CNTN4: variants seen among roughly 807,000 people sequenced by gnomAD.
The protein encoded by CNTN4 is contactin 4, also known as contactin-4.
In CNTN4, 77 loss-of-function variants were observed where a neutral mutation model predicts 122.5. The observed-to-expected ratio is 0.63, with a 90% CI of 0.52 to 0.76. CNTN4 has a LOEUF of 0.76. CNTN4 is among the 30% of genes least tolerant of loss of function. The probability of loss-of-function intolerance (pLI) is 0.00; values close to 1 mark genes in which losing one functional copy is unlikely to be tolerated. For synonymous variants in CNTN4, 512 were observed against 447.0 expected (o/e 1.15, Z -1.83); for missense variants, 1,256 against 1,259.1 (o/e 1.00, Z 0.04).
At chr3:2,271,661 T>G (rs561803932) in intron 2 of CNTN4, among the ~76,000 whole-genome samples, 1 of 152,272 alleles carries the variant, frequency 6.6e-6, no homozygotes, top group South Asian at 2.1e-4. Flanking sequence ...CTAGATTACC[T>G]TGGTTATATC....
intron 2 of CNTN4, among the ~76,000 whole-genome samples, chr3:2,195,372 T>G (rs1448874088): frequency 1.3e-5 from 2 of 152,230 alleles, no homozygotes; most frequent in Non-Finnish European, 2.9e-5. Flanking sequence ...TGAAAAATGC[T>G]TCAATGAACA....
intron 2 of CNTN4, among the ~76,000 whole-genome samples, chr3:2,314,545 A>G (rs975356518): frequency 5.3e-5 from 8 of 151,880 alleles, no homozygotes; most frequent in Non-Finnish European, 8.8e-5. Context: ...ATCTCCCTGT[A>G]TATCAGATGA....
At chr3:2,329,710 A>G (rs1160665428) in intron 2 of CNTN4, among the ~76,000 whole-genome samples, 1 of 150,882 alleles carries the variant, frequency 6.6e-6, no homozygotes, top group South Asian at 2.1e-4. Flanking sequence ...ATAAAATGAG[A>G]TAATACACTC....
chr3:3,044,214 GA>G (rs1350792746), intron 23 of CNTN4, among the ~76,000 whole-genome samples: 2 of 152,164 alleles, frequency 1.3e-5, no homozygotes, highest in African/African-American at 2.4e-5. Flanking sequence ...ATGAGAAAAT[GA>G]AAAGAACATG....
Position 2,649,117 on chromosome 3 carries a change from A to T in CNTN4, c.55+77559A>T, listed in dbSNP as rs542305004. 4.0e-3 allele frequency among the ~76,000 whole-genome samples: 603 copies of T among 152,354 alleles called. 3 individuals carry two copies. Among genetic ancestry groups the T allele is most frequent in the Non-Finnish European group, 7.0e-3 (476 of 68,030 alleles). ...TGCTTCATGAGATTTAAGGAAAGAG[A>T]TGCCACCTCCTTAACATAAAAGTGC... On this transcript the variant is annotated intron_variant, in intron 4 of 24. Coordinates refer to ENST00000418658, the MANE Select transcript of CNTN4 (RefSeq NM_175607.3).
intron 2 of CNTN4, among the ~76,000 whole-genome samples, chr3:2,235,174 TAC>T (rs2039634284): frequency 1.3e-5 from 2 of 152,220 alleles, no homozygotes; most frequent in South Asian, 4.1e-4. Flanking sequence ...GTCTTTTGAC[TAC>T]AGTTTGAAAT....
At chr3:2,408,867 G>T (rs939131195) in intron 3 of CNTN4, among the ~76,000 whole-genome samples, 1 of 152,094 alleles carries the variant, frequency 6.6e-6, no homozygotes, top group Non-Finnish European at 1.5e-5. Flanking sequence ...TGAAACTGAG[G>T]TCATCCCTGT....
At chr3:2,775,312 G>A (rs2091271533) in intron 6 of CNTN4, among the ~76,000 whole-genome samples, 1 of 151,958 alleles carries the variant, frequency 6.6e-6, no homozygotes, top group Non-Finnish European at 1.5e-5. Context: ...CTCCCACCAT[G>A]GCCCTCTTCC....
chr3:2,236,906 G>A (rs750317459), intron 2 of CNTN4, among the ~76,000 whole-genome samples: 22 of 152,128 alleles, frequency 1.4e-4, no homozygotes, highest in Non-Finnish European at 2.6e-4. Context: ...AAGAGAGATC[G>A]TGCCAGAAGA....
chr3:2,705,574 TTTATTTA>T (rs1390483135), intron 4 of CNTN4, among the ~76,000 whole-genome samples: 7 of 2,710 alleles, frequency 2.6e-3, no homozygotes, highest in African/African-American at 9.7e-3. Context: ...AATTTATAAA[TTTATTTA>T]TATATATAAA....
At chr3:2,391,064 C>A (rs2046424000) in intron 3 of CNTN4, among the ~76,000 whole-genome samples, 1 of 152,058 alleles carries the variant, frequency 6.6e-6, no homozygotes, top group Non-Finnish European at 1.5e-5. Context: ...AATGGGGAAC[C>A]AGATTTAGTT....
At chr3:2,432,781 G>T (rs1238442284) in intron 3 of CNTN4, among the ~76,000 whole-genome samples, 1 of 150,558 alleles carries the variant, frequency 6.6e-6, no homozygotes, top group Non-Finnish European at 1.5e-5. Context: ...TGCAGTGAAC[G>T]TGGTAGTGCA....
At chr3:3,035,329 G>C (rs1278110283) in intron 17 of CNTN4, among the ~76,000 whole-genome samples, 1 of 149,266 alleles carries the variant, frequency 6.7e-6, no homozygotes, top group African/African-American at 2.5e-5. Context: ...AAAAAAGTCT[G>C]TTGTGCTGGT....
intron 14 of CNTN4, among the ~76,000 whole-genome samples, chr3:3,000,267 T>A (rs554552647): frequency 6.6e-6 from 1 of 151,990 alleles, no homozygotes; most frequent in African/African-American, 2.4e-5. Context: ...AAAATACAAC[T>A]GGAAGAGGAT....
At chr3:2,650,981 C>T (rs2083332530) in intron 4 of CNTN4, among the ~76,000 whole-genome samples, 1 of 152,116 alleles carries the variant, frequency 6.6e-6, no homozygotes, top group Admixed American at 6.5e-5. Flanking sequence ...TCTTAAAGAA[C>T]ATCTAATTCA....
At chr3:2,509,645 C>T (rs1220925630) in intron 3 of CNTN4, among the ~76,000 whole-genome samples, 1 of 152,138 alleles carries the variant, frequency 6.6e-6, no homozygotes, top group Middle Eastern at 3.2e-3. Context: ...GGAGAGAATA[C>T]TTTTCTAGCT....
intron 2 of CNTN4, among the ~76,000 whole-genome samples, chr3:2,154,721 T>C (rs2035644220): frequency 6.6e-6 from 1 of 152,214 alleles, no homozygotes; most frequent in Non-Finnish European, 1.5e-5. Flanking sequence ...TGAATGATTG[T>C]GATCTGTTTT....
intron 6 of CNTN4, among the ~76,000 whole-genome samples, chr3:2,809,829 A>G (rs2092561971): frequency 6.6e-6 from 1 of 152,230 alleles, no homozygotes; most frequent in Non-Finnish European, 1.5e-5. Context: ...AAACTCAGAC[A>G]TTTTAAATTA....
intron 6 of CNTN4, among the ~76,000 whole-genome samples, chr3:2,776,301 A>G (rs1167330365): frequency 6.7e-6 from 1 of 149,534 alleles, no homozygotes; most frequent in Non-Finnish European, 1.5e-5. Context: ...TTTGGAAAGA[A>G]TATAAGTGTT....
Sources: gnomAD v4.1 joint callset for allele counts (sites outside exome capture counted in the v4.1 genomes callset) on GRCh38, gnomAD v4.1.1 for gene constraint, MANE v1.5 for transcripts, NCBI Gene and HGNC (gene_info 2026-07-23, HGNC 2026-07-21) for gene names.